NRP1: variants seen among roughly 807,000 people sequenced by gnomAD.
The protein encoded by NRP1 is neuropilin-1.
NRP1 carries 35 observed loss-of-function variants against 106.7 expected under a neutral mutation model. The ratio of observed to expected loss-of-function variants is 0.33; its 90% confidence interval spans 0.25 to 0.43. The LOEUF (loss-of-function observed/expected upper bound fraction) is 0.43. Among genes scored for constraint, NRP1 ranks in the 20% least tolerant of loss-of-function variants. NRP1 has a pLI of 1.00. For missense variants in NRP1, 1,024 were observed against 1,170.4 expected (o/e 0.87, Z 1.83); for synonymous variants, 437 against 417.9 (o/e 1.05, Z -0.56).
chr10:33,182,883 G>A, intron 15 of NRP1, 135 bp from the exon 16 acceptor site: 1 of 703,842 alleles, frequency 1.4e-6, no homozygotes. Flanking sequence ...GGCTCCTTTT[G>A]GATTTTTTAG....
intron 2 of NRP1, among the ~76,000 whole-genome samples, chr10:33,283,235 TAG>T (rs886478035): frequency 1.3e-5 from 2 of 152,248 alleles, no homozygotes; most frequent in Non-Finnish European, 2.9e-5. Flanking sequence ...GATCATGTAT[TAG>T]AGAGTTTCCT....
intron 10 of NRP1, chr10:33,206,151 C>T (rs925416298): frequency 2.0e-6 from 1 of 506,644 alleles, no homozygotes; most frequent in African/African-American, 1.9e-5. Context: ...CCATTCACTC[C>T]ACCTCCTAAA....
chr10:33,270,857 C>T lies in NRP1; in HGVS notation c.249-1G>A. The stretch of plus-strand genomic sequence containing the variant: ...ATCGAAGACTTCCACGTAGTCATAC[C>T]TAATACACAAACATGGAAGAAAACA... On this transcript the variant is annotated splice_acceptor_variant, in intron 2 of 16. Transcript: ENST00000374867. LOFTEE classifies it high-confidence loss of function. 1 of 1,587,788 alleles carries T rather than the reference C, an allele frequency of 6.3e-7. No individual in the cohort carries two copies. The highest frequency in any genetic ancestry group is 8.6e-7 in the Non-Finnish European group (1 of 1,168,748).
At position 33,202,731 on chromosome 10, in the gene NRP1, A is replaced by G. The variant is rs748815231; in HGVS notation, c.1864+160T>C. On this transcript the variant is annotated intron_variant, in intron 11 of 16. Coordinates refer to ENST00000374867, the MANE Select transcript of NRP1 (RefSeq NM_003873.7). ...TAAGAACAACTCATCTATCCAGATG[A>G]CATGAGGAAATGAAGATGCACGTGT... is the stretch of plus-strand genomic sequence containing the variant. The G allele has an allele frequency of 3.9e-6, 6 of 1,556,132 alleles. No homozygotes were observed. The South Asian group carries it at 7.1e-5, about 18-fold the overall frequency.
chr10:33,326,350 A>G (rs1226883357), intron 2 of NRP1, among the ~76,000 whole-genome samples: 1 of 152,198 alleles, frequency 6.6e-6, no homozygotes, highest in Non-Finnish European at 1.5e-5. Context: ...TGCAATGAAC[A>G]TGTGTTTCCG....
At chr10:33,314,004 T>TTTTC (rs1564480648) in intron 2 of NRP1, among the ~76,000 whole-genome samples, 1 of 91,378 alleles carries the variant, frequency 1.1e-5, no homozygotes, top group Non-Finnish European at 2.5e-5. Flanking sequence ...CCTCCTTTCG[T>TTTTC]TTTCCTTCCT....
At position 33,185,609 on chromosome 10, in the gene NRP1, T is replaced by C. The variant is rs748838488; in HGVS notation, c.2431+19A>G. The stretch of plus-strand genomic sequence containing the variant: ...CCTGGGCAAGCACTCCATTGGTTTC[T>C]ACAGCAGCTCATACTTACTTGCACA... On this transcript the variant is annotated intron_variant, in intron 15 of 16. Transcript: ENST00000374867. The C allele has an allele frequency of 8.9e-6, 14 of 1,574,438 alleles. No individual in the cohort carries two copies. Among genetic ancestry groups the C allele is most frequent in the Non-Finnish European group, 1.2e-5 (14 of 1,144,056 alleles).
At chr10:33,213,331 C>T in intron 9 of NRP1, 55 bp downstream of exon 9, 1 of 1,614,160 alleles carries the variant, frequency 6.2e-7, no homozygotes, top group Non-Finnish European at 8.5e-7. Context: ...GCCAGAGGCC[C>T]TTGATTGAAG....
At chr10:33,233,763 G>A (rs1004740213) in intron 6 of NRP1, among the ~76,000 whole-genome samples, 2 of 152,150 alleles carry the variant, frequency 1.3e-5, no homozygotes, top group African/African-American at 4.8e-5. Context: ...TATTTTTTGA[G>A]GGGGAGACTG....
intron 11 of NRP1, 33 bp downstream of exon 11, chr10:33,202,858 G>A: frequency 6.2e-7 from 1 of 1,614,194 alleles, no homozygotes; most frequent in South Asian, 1.1e-5. Context: ...GAACTGAAAT[G>A]GTACAGCAAT....
chr10:33,260,581 A>G (rs531197560), intron 4 of NRP1, among the ~76,000 whole-genome samples: 155 of 152,232 alleles, frequency 1.0e-3, no homozygotes, highest in Non-Finnish European at 2.0e-3. Flanking sequence ...CAGCACCAAC[A>G]CTTCCAGCAT....
chr10:33,235,919 T>C (rs1840519199), intron 6 of NRP1, among the ~76,000 whole-genome samples: 1 of 152,242 alleles, frequency 6.6e-6, no homozygotes, highest in South Asian at 2.1e-4. Context: ...TTCAATTGCA[T>C]GTTAACTTGC....
chr10:33,199,537 C>T (rs1837111599), intron 11 of NRP1, among the ~76,000 whole-genome samples: 1 of 150,556 alleles, frequency 6.6e-6, no homozygotes, highest in Non-Finnish European at 1.5e-5. Flanking sequence ...GCCACCATGC[C>T]CAGCCAAAAT....
intron 8 of NRP1, among the ~76,000 whole-genome samples, chr10:33,221,079 C>T (rs1216442406): frequency 1.3e-5 from 2 of 151,838 alleles, no homozygotes; most frequent in East Asian, 3.9e-4. Flanking sequence ...TACACTGGTG[C>T]CCTCATGTTG....
chr10:33,202,572 G>T, intron 11 of NRP1: 1 of 1,412,764 alleles, frequency 7.1e-7, no homozygotes, highest in Non-Finnish European at 9.3e-7. Flanking sequence ...GTTATTGGGG[G>T]GGGGTCTGAA....
At chr10:33,304,504 A>T (rs1198395632) in intron 2 of NRP1, among the ~76,000 whole-genome samples, 1 of 152,104 alleles carries the variant, frequency 6.6e-6, no homozygotes, top group East Asian at 1.9e-4. Flanking sequence ...ACCAATTATG[A>T]CCTCACTGGT....
chr10:33,213,356 GA>G, intron 9 of NRP1, 29 bp downstream of exon 9: 1 of 1,614,096 alleles, frequency 6.2e-7, no homozygotes, highest in Non-Finnish European at 8.5e-7. Flanking sequence ...GGACATAAGG[GA>G]TGACCTCCTC....
chr10:33,274,389 C>T (rs1291974060), intron 2 of NRP1, among the ~76,000 whole-genome samples: 1 of 152,100 alleles, frequency 6.6e-6, no homozygotes, highest in Non-Finnish European at 1.5e-5. Flanking sequence ...ATAAAGATTT[C>T]TTTCTAAGAA....
intron 12 of NRP1, 58 bp downstream of exon 12, chr10:33,197,592 A>C: frequency 1.7e-5 from 22 of 1,306,086 alleles, no homozygotes; most frequent in Middle Eastern, 1.9e-4. Context: ...CGAGGAGCGC[A>C]GCCGCGGAGA....
Sources: allele counts gnomAD v4.1 joint callset (sites outside exome capture counted in the v4.1 genomes callset), GRCh38; gene constraint gnomAD v4.1.1; transcripts MANE v1.5; gene names NCBI Gene and HGNC (gene_info 2026-07-23, HGNC 2026-07-21).